SNX7: variants seen among roughly 807,000 people sequenced by gnomAD.
The protein encoded by SNX7 is sorting nexin-7.
SNX7 carries 35 observed loss-of-function variants against 48.4 expected under a neutral mutation model. The ratio of observed to expected loss-of-function variants is 0.72; its 90% CI spans 0.55 to 0.96. The LOEUF (loss-of-function observed/expected upper bound fraction) is 0.96, where lower values mean the gene tolerates loss of function less well. Among genes scored for constraint, SNX7 ranks in the 40% least tolerant of loss-of-function variants. The probability of loss-of-function intolerance (pLI) is 0.00; values close to 1 mark genes in which losing one functional copy is unlikely to be tolerated. For missense variants in SNX7, 553 were observed against 548.9 expected (o/e 1.01, Z -0.07); for synonymous variants, 190 against 190.2 (o/e 1.00, Z 0.01).
At chr1:98,707,119 T>G (rs1410758572) in intron 7 of SNX7, among the ~76,000 whole-genome samples, 7 of 152,106 alleles carry the variant, frequency 4.6e-5, no homozygotes, top group Admixed American at 4.6e-4. Context: ...TATTTCAACA[T>G]TAAGAGATTA....
chr1:98,695,490 C>A, intron 4 of SNX7, 28 bp from the exon 5 acceptor site: 1 of 1,602,270 alleles, frequency 6.2e-7, no homozygotes, highest in Non-Finnish European at 8.5e-7. Context: ...ACTTGTTTCA[C>A]TAGAAATACT....
chr1:98,702,020 C>T, intron 7 of SNX7, 117 bp downstream of exon 7: 6 of 678,560 alleles, frequency 8.8e-6, no homozygotes, highest in East Asian at 5.7e-5. Context: ...TGTTTCTAAG[C>T]ATTAAGCAAA....
intron 7 of SNX7, among the ~76,000 whole-genome samples, chr1:98,703,837 G>A (rs575242309): frequency 6.6e-6 from 1 of 152,038 alleles, no homozygotes; most frequent in South Asian, 2.1e-4. Flanking sequence ...GTTAAGTAAG[G>A]ATATCGAAGT....
chr1:98,742,042 C>A (rs1654097562), intron 8 of SNX7, among the ~76,000 whole-genome samples: 1 of 152,180 alleles, frequency 6.6e-6, no homozygotes, highest in East Asian at 1.9e-4. Flanking sequence ...TAAAATAGAA[C>A]AATTACCTTT....
intron 4 of SNX7, among the ~76,000 whole-genome samples, chr1:98,692,835 C>T (rs1368754043): frequency 1.3e-5 from 2 of 152,136 alleles, no homozygotes; most frequent in African/African-American, 4.8e-5. Context: ...AAAATATGTG[C>T]ATACGTTTTG....
chr1:98,723,377 A>G (rs2101010359), intron 7 of SNX7, among the ~76,000 whole-genome samples: 1 of 152,016 alleles, frequency 6.6e-6, no homozygotes, highest in South Asian at 2.1e-4. Context: ...GGCTGTGTAT[A>G]CTTTTTGTTA....
chr1:98,728,201 T>C (rs1039007473), intron 7 of SNX7, among the ~76,000 whole-genome samples: 6 of 152,160 alleles, frequency 3.9e-5, no homozygotes, highest in African/African-American at 1.4e-4. Context: ...GCAGAAACCC[T>C]GCAAGCCAGA....
At position 98,717,587 on chromosome 1, in the gene SNX7, A is replaced by C. The variant is rs553913300; in HGVS notation, c.1125+15684A>C. Among the ~76,000 whole-genome samples, 10 of 152,264 alleles carry C rather than the reference A, an allele frequency of 6.6e-5. No homozygotes were observed. In the South Asian group the frequency reaches 2.1e-3, roughly 32 times the overall value. On this transcript the variant is annotated intron_variant, in intron 7 of 8. Transcript: ENST00000306121. Reference sequence around the variant, plus strand: ...CTTCAAATAATTAATACCAATCAGAATTTGCACGTGATAAATTCTCTTTGC... The same window carrying C: ...CTTCAAATAATTAATACCAATCAGACTTTGCACGTGATAAATTCTCTTTGC...
In SNX7 at chr1:98,713,466, T is replaced by C. The variant is rs550292183; in HGVS notation, c.1125+11563T>C. Among the ~76,000 whole-genome samples, 6 of 152,262 alleles carry C rather than the reference T, an allele frequency of 3.9e-5. No homozygotes were observed. The East Asian group carries it at 5.8e-4, about 15-fold the overall frequency. ...ATAAGGCTTTTTTTTTGCTTTCTTA[T>C]AATTCATGTGCTTATTGGAATAGCA... On this transcript the variant is annotated intron_variant, in intron 7 of 8. Coordinates refer to ENST00000306121, the MANE Select transcript of SNX7 (RefSeq NM_015976.5).
At chr1:98,713,778 C>A (rs1192781888) in intron 7 of SNX7, among the ~76,000 whole-genome samples, 1 of 152,192 alleles carries the variant, frequency 6.6e-6, no homozygotes, top group Non-Finnish European at 1.5e-5. Flanking sequence ...ACAGTCAGAA[C>A]ATACACATTT....
intron 8 of SNX7, among the ~76,000 whole-genome samples, chr1:98,756,294 T>G (rs1392263815): frequency 1.3e-5 from 2 of 151,862 alleles, no homozygotes; most frequent in African/African-American, 4.8e-5. Flanking sequence ...TTGCTATTTT[T>G]AATTCATTAG....
intron 8 of SNX7, among the ~76,000 whole-genome samples, chr1:98,742,214 G>T (rs947842068): frequency 1.3e-5 from 2 of 152,090 alleles, no homozygotes; most frequent in African/African-American, 2.4e-5. Flanking sequence ...AGTAAGAAAG[G>T]GTAGGGAATT....
chr1:98,674,321 C>T lies in SNX7; in HGVS notation c.181-10564C>T, dbSNP rs1650038845. Among the ~76,000 whole-genome samples, 6 of 152,096 alleles carry T rather than the reference C, an allele frequency of 3.9e-5. No homozygotes were observed. The South Asian group carries it at 1.2e-3, about 32-fold the overall frequency. ...TGTATTGACTCACGGTTCTGGAGGC[C>T]AGAAGTCTGACATCAAGAAGTCAGC... On this transcript the variant is annotated intron_variant, in intron 1 of 8. Transcript: ENST00000306121.
intron 2 of SNX7, among the ~76,000 whole-genome samples, chr1:98,688,985 A>G (rs1488726315): frequency 3.9e-5 from 6 of 152,118 alleles, no homozygotes; most frequent in Non-Finnish European, 5.9e-5. Context: ...GCTCACTGCA[A>G]CCTCTGCCTC....
In SNX7 at chr1:98,727,758, G is replaced by A. The variant is rs368756701; in HGVS notation, c.1126-10479G>A. Among the ~76,000 whole-genome samples the A allele has an allele frequency of 3.3e-5, 5 of 151,904 alleles. No homozygotes were observed. The East Asian group carries it at 7.8e-4, about 24-fold the overall frequency. ...CAATGCAACCATAGTATCAATAACC[G>A]AATAGACCAAGCGGAGGAAAGGATT... On this transcript the variant is annotated intron_variant, in intron 7 of 8. Coordinates refer to ENST00000306121, the MANE Select transcript of SNX7 (RefSeq NM_015976.5).
chr1:98,738,436 A>T (rs199974357), intron 8 of SNX7, 47 bp downstream of exon 8: 3 of 1,566,918 alleles, frequency 1.9e-6, no homozygotes. Context: ...TTATATGCTC[A>T]TTTACTTTTG....
chr1:98,695,112 T>A (rs763787278), intron 4 of SNX7, among the ~76,000 whole-genome samples: 2 of 152,222 alleles, frequency 1.3e-5, no homozygotes, highest in African/African-American at 2.4e-5. Context: ...CCAATTTTAT[T>A]TTTTGGAGTA....
intron 7 of SNX7, among the ~76,000 whole-genome samples, chr1:98,717,141 A>G (rs1444383187): frequency 6.6e-6 from 1 of 152,084 alleles, no homozygotes; most frequent in African/African-American, 2.4e-5. Flanking sequence ...ATATGGAATT[A>G]TGTGTTAACT....
chr1:98,687,091 T>C (rs1650842989), intron 2 of SNX7, among the ~76,000 whole-genome samples: 1 of 152,170 alleles, frequency 6.6e-6, no homozygotes, highest in African/African-American at 2.4e-5. Context: ...GTGTGACTGC[T>C]TTGTGCCAGG....
Sources: gnomAD v4.1 joint callset for allele counts (sites outside exome capture counted in the v4.1 genomes callset) on GRCh38, gnomAD v4.1.1 for gene constraint, MANE v1.5 for transcripts, NCBI Gene and HGNC (gene_info 2026-07-23, HGNC 2026-07-21) for gene names.